Variants in RTEL1 observed in about 807,000 individuals in gnomAD.
RTEL1 encodes the protein regulator of telomere length.
Under a neutral mutation model 162.2 loss-of-function variants are expected in RTEL1, and 86 were observed. That is an observed-to-expected ratio of 0.53 (90% CI 0.45 to 0.63). The LOEUF (loss-of-function observed/expected upper bound fraction) is 0.63. Among genes scored for constraint, RTEL1 ranks in the 30% least tolerant of loss-of-function variants. RTEL1 has a pLI of 0.00. For missense variants in RTEL1, 1,941 were observed against 1,750.2 expected, an observed-to-expected ratio of 1.11 and a Z score of -1.95; for synonymous variants, 958 against 717.9, an observed-to-expected ratio of 1.33 and a Z score of -5.35.
At chr20:63,684,224 C>T (rs2090541305) in intron 14 of RTEL1, among the ~76,000 whole-genome samples, 1 of 152,188 alleles carries the variant, frequency 6.6e-6, no homozygotes, top group African/African-American at 2.4e-5. Flanking sequence ...CAGCACGCCA[C>T]ACCGGTGGTT....
chr20:63,695,488 T>C lies in RTEL1; in HGVS notation c.3660T>C (p.Pro1220=). Residue 1220 remains proline, a synonymous_variant, in exon 34 of 35, where the codon CCT becomes CCC. Coordinates refer to ENST00000360203, the MANE Select transcript of RTEL1 (RefSeq NM_001283009.2). The part of the protein sequence containing the change: ...HGPAASEWGE[P]HGRDIAGQQA... ...CTGCAGCATCTGAGTGGGGTGAGCC[T>C]CATGGGAGAGACATCGCTGGGCAGC... The C allele has an allele frequency of 6.2e-7, 1 of 1,609,502 alleles. No individual in the cohort carries two copies. The highest frequency in any genetic ancestry group is 8.5e-7 in the Non-Finnish European group (1 of 1,178,276).
At chr20:63,680,774 C>G in intron 14 of RTEL1, 55 bp downstream of exon 14, 2 of 1,605,140 alleles carry the variant, frequency 1.2e-6, no homozygotes, top group Middle Eastern at 3.3e-4. Flanking sequence ...GGGCGGGTGC[C>G]TTCTCCTGCT....
chr20:63,667,029 C>T (rs374510514), intron 7 of RTEL1, among the ~76,000 whole-genome samples: 55 of 151,788 alleles, frequency 3.6e-4, no homozygotes, highest in South Asian at 8.4e-4. Flanking sequence ...TTAGTAGAGA[C>T]GGGGTTTCAC....
intron 10 of RTEL1, among the ~76,000 whole-genome samples, chr20:63,675,800 CT>C (rs2090337282): frequency 6.6e-6 from 1 of 152,238 alleles, no homozygotes; most frequent in African/African-American, 2.4e-5. Context: ...ACGGCCGCCT[CT>C]TTCCATCCTT....
intron 8 of RTEL1, among the ~76,000 whole-genome samples, chr20:63,670,739 T>G (rs1310722456): frequency 2.0e-5 from 3 of 151,754 alleles, no homozygotes; most frequent in Middle Eastern, 3.2e-3. Flanking sequence ...ATCCCAGAAC[T>G]TTAGGGGCCA....
At chr20:63,660,990 A>T (rs1408822635) in intron 2 of RTEL1, among the ~76,000 whole-genome samples, 2 of 152,254 alleles carry the variant, frequency 1.3e-5, no homozygotes, top group East Asian at 3.8e-4. Context: ...AACGCAGAAC[A>T]GTTTCCTATT....
Position 63,693,143 on chromosome 20 carries a change from G to C in RTEL1, c.2852G>C (p.Gly951Ala), listed in dbSNP as rs925928624. Reference sequence around the variant, plus strand: ...GGGACAGACGCCCCTTCCTCTACAGGCTTCTACCAGTTTGTGCGGCCCCAC... The same window carrying C: ...GGGACAGACGCCCCTTCCTCTACAGCCTTCTACCAGTTTGTGCGGCCCCAC... ...EDPKKHNLLQ[G>A]FYQFVRPHHK... Residue 951 changes from glycine (G) to alanine (A), a missense_variant and splice_region_variant, in exon 30 of 35, where the codon GGC becomes GCC. Physicochemically the swap from Gly to Ala is moderately conservative, Grantham distance 60. Transcript: ENST00000360203. 7 of 1,612,210 alleles carry C rather than the reference G, an allele frequency of 4.3e-6. No individual in the cohort carries two copies. The Admixed American group carries it at 5.0e-5, about 12-fold the overall frequency.
At chr20:63,694,673 G>T in intron 31 of RTEL1, 68 bp from the exon 32 acceptor site, 1 of 1,387,366 alleles carries the variant, frequency 7.2e-7, no homozygotes. Context: ...GAGGAAGGGC[G>T]GGCAGGGCGG....
Position 63,687,726 on chromosome 20 carries a change from C to G in RTEL1, c.1437C>G (p.Ser479Arg). The change falls in exon 17 of 35, where the codon AGC becomes AGG. Residue 479 changes from serine to arginine, a missense_variant. Physicochemically the swap from Ser to Arg is moderately radical, Grantham distance 110. Coordinates refer to ENST00000360203, the MANE Select transcript of RTEL1 (RefSeq NM_001283009.2). Reference sequence around the variant, plus strand: ...GCGTCCGCTCCCTCATCCTTACCAGCGGCACGCTGGCCCCGGTGTCCTCCT... The same window carrying G: ...GCGTCCGCTCCCTCATCCTTACCAGGGGCACGCTGGCCCCGGTGTCCTCCT... ...RQGVRSLILT[S>R]GTLAPVSSFA... The G allele has an allele frequency of 6.3e-7, 1 of 1,596,336 alleles. No homozygotes were observed. Among genetic ancestry groups the G allele is most frequent in the Non-Finnish European group, 8.5e-7 (1 of 1,173,096 alleles).
At chr20:63,680,900 G>A in intron 14 of RTEL1, 181 bp downstream of exon 14, 2 of 983,752 alleles carry the variant, frequency 2.0e-6, no homozygotes, top group Non-Finnish European at 2.4e-6. Flanking sequence ...TGGGCCTCCT[G>A]CAGGGATGGG....
chr20:63,676,295 C>T (rs556883393), intron 10 of RTEL1, among the ~76,000 whole-genome samples: 32 of 152,212 alleles, frequency 2.1e-4, no homozygotes, highest in East Asian at 9.7e-4. Flanking sequence ...GAGCCCAGGC[C>T]GTTTACCCTG....
intron 12 of RTEL1, 151 bp from the exon 13 acceptor site, chr20:63,679,698 C>T: frequency 1.5e-6 from 1 of 682,094 alleles, no homozygotes. Flanking sequence ...TGATTTCCCC[C>T]TCCAGGCTCG....
In RTEL1 at chr20:63,672,460, G is replaced by A. The variant is rs1601114873; in HGVS notation, c.700-96G>A. 1.2e-5 allele frequency: 12 copies of A among 1,010,956 alleles called. 1 individual carries two copies. Among genetic ancestry groups the A allele is most frequent in the Middle Eastern group, 2.8e-4 (1 of 3,566 alleles). 62.6% of individuals were successfully genotyped at this position (1,010,956 alleles called of 1,614,324 possible). A position where few individuals can be genotyped will look rare whatever the true frequency, so the allele number is the denominator to read the frequency against. On this transcript the variant is annotated intron_variant, in intron 8 of 34. Transcript: ENST00000360203. Reference sequence around the variant, plus strand: ...ATCGCCGGCGCTGTTGCTCATCTGCGCTTGTGATGTTCGATGCCTGCTGCA... The same window carrying A: ...ATCGCCGGCGCTGTTGCTCATCTGCACTTGTGATGTTCGATGCCTGCTGCA...
chr20:63,688,941 C>A, intron 21 of RTEL1, 114 bp from the exon 22 acceptor site: 1 of 941,142 alleles, frequency 1.1e-6, no homozygotes, highest in Non-Finnish European at 1.7e-6. Context: ...ACCCGATTGG[C>A]CTTCCTGGCT....
intron 7 of RTEL1, among the ~76,000 whole-genome samples, chr20:63,667,033 G>A (rs891402590): frequency 2.1e-4 from 32 of 150,602 alleles, no homozygotes; most frequent in South Asian, 2.1e-3. Context: ...TAGAGACGGG[G>A]TTTCACCGTG....
At chr20:63,662,709 G>T (rs12480249) in intron 5 of RTEL1, 82 bp downstream of exon 5, 2 of 1,602,178 alleles carry the variant, frequency 1.2e-6, no homozygotes, top group East Asian at 2.2e-5. Flanking sequence ...CTGCGCTCCC[G>T]CTGGGCTAGG....
Position 63,695,786 on chromosome 20 carries a change from G to A in RTEL1, c.3831G>A (p.Arg1277=), listed in dbSNP as rs2145482103. The change falls in exon 35 of 35, where the codon AGG becomes AGA. Residue 1277 remains arginine, a synonymous_variant. Coordinates refer to ENST00000360203, the MANE Select transcript of RTEL1 (RefSeq NM_001283009.2). The stretch of plus-strand genomic sequence containing the variant: ...GGCCGGTTGTCTCACAGGCCTCTAG[G>A]ATGTGCCCAGCCTGCCACACCGCCT... ...ACWQRHLQAS[R]MCPACHTASR... is the part of the protein sequence containing the mutation. The A allele has an allele frequency of 1.3e-6, 2 of 1,593,498 alleles. No homozygotes were observed. The highest frequency in any genetic ancestry group is 2.3e-5 in the East Asian group (1 of 44,100).
chr20:63,665,931 C>G, intron 6 of RTEL1, 73 bp from the exon 7 acceptor site: 4 of 1,445,560 alleles, frequency 2.8e-6, no homozygotes, highest in Non-Finnish European at 3.9e-6. Context: ...CCGTTCTGTC[C>G]TGGGCATCCC....
chr20:63,694,522 C>T (rs1301369038), intron 31 of RTEL1, 34 bp downstream of exon 31: 1 of 1,512,864 alleles, frequency 6.6e-7, no homozygotes, highest in Non-Finnish European at 9.1e-7. Context: ...CAGCCTACGA[C>T]TTGGTGGGTC....
Sources: allele counts gnomAD v4.1 joint callset (sites outside exome capture counted in the v4.1 genomes callset), GRCh38; gene constraint gnomAD v4.1.1; transcripts MANE v1.5; gene names NCBI Gene and HGNC (gene_info 2026-07-23, HGNC 2026-07-21).